CNTRL: variants seen among roughly 807,000 people sequenced by gnomAD.
The protein encoded by CNTRL is centriolin, also known as 110 kDa centrosomal protein.
A neutral mutation model predicts 303.7 loss-of-function variants in CNTRL; 233 were observed. The ratio of observed to expected loss-of-function variants is 0.77; its 90% CI spans 0.69 to 0.86. The LOEUF (loss-of-function observed/expected upper bound fraction) is 0.86. CNTRL is among the 40% of genes least tolerant of loss of function. CNTRL has a pLI of 0.00. For missense variants in CNTRL, 2,524 were observed against 2,650.6 expected, an observed-to-expected ratio of 0.95 and a Z score of 1.05; for synonymous variants, 900 against 922.2, an observed-to-expected ratio of 0.98 and a Z score of 0.44.
chr9:121,173,856 T>C (rs2053415477), intron 42 of CNTRL, 119 bp downstream of exon 42: 1 of 937,450 alleles, frequency 1.1e-6, no homozygotes, highest in Admixed American at 1.8e-5. Context: ...CTGCCAGCAG[T>C]GTCAGGGATG....
At chr9:121,152,812 AGCT>A in intron 26 of CNTRL, 119 bp downstream of exon 26, 1 of 759,558 alleles carries the variant, frequency 1.3e-6, no homozygotes, top group Non-Finnish European at 2.1e-6. Flanking sequence ...AGTAACCACT[AGCT>A]CAGTGTGGCT....
chr9:121,141,684 C>A, intron 18 of CNTRL, 96 bp downstream of exon 18: 1 of 1,142,128 alleles, frequency 8.8e-7, no homozygotes, highest in Non-Finnish European at 1.3e-6. Context: ...GTAAATACAA[C>A]ATAATTGTTG....
chr9:121,103,479 A>G (rs1200387928), intron 7 of CNTRL, among the ~76,000 whole-genome samples: 1 of 152,252 alleles, frequency 6.6e-6, no homozygotes, highest in African/African-American at 2.4e-5. Context: ...TATTCAGGAC[A>G]TAGGCATGGG....
At chr9:121,092,106 A>G (rs1413421294) in intron 4 of CNTRL, among the ~76,000 whole-genome samples, 3 of 147,060 alleles carry the variant, frequency 2.0e-5, no homozygotes, top group African/African-American at 7.4e-5. Flanking sequence ...TACATATTTT[A>G]TAGATTTTTA....
At chr9:121,147,113 C>T (rs572727040) in intron 23 of CNTRL, among the ~76,000 whole-genome samples, 12 of 152,274 alleles carry the variant, frequency 7.9e-5, no homozygotes, top group African/African-American at 2.4e-4. Flanking sequence ...AGCGATTCTC[C>T]GGTTTCTGCC....
Position 121,161,905 on chromosome 9 carries a change from A to G in CNTRL, c.5139A>G (p.Gln1713=). 1 of 1,614,184 alleles carries G rather than the reference A, an allele frequency of 6.2e-7. No individual in the cohort carries two copies. Among genetic ancestry groups the G allele is most frequent in the South Asian group, 1.1e-5 (1 of 91,088 alleles). The change falls in exon 33 of 44, where the codon CAA becomes CAG. Residue 1713 remains glutamine, a synonymous_variant. Transcript: ENST00000373855. ...TGCAACTTGAAAACCATGAGCTACA[A>G]GGTTTGAAGCTACAACATGACCAAA... The part of the protein sequence containing the change: ...DMLQLENHEL[Q]GLKLQHDQRV...
At chr9:121,157,650 G>C in intron 28 of CNTRL, 50 bp downstream of exon 28, 1 of 1,605,460 alleles carries the variant, frequency 6.2e-7, no homozygotes, top group Non-Finnish European at 8.5e-7. Context: ...TGAATGAAAA[G>C]TTTGCTTCTA....
intron 27 of CNTRL, among the ~76,000 whole-genome samples, chr9:121,155,567 C>T (rs1475019466): frequency 6.6e-6 from 1 of 152,142 alleles, no homozygotes; most frequent in African/African-American, 2.4e-5. Flanking sequence ...ACCTTGTGAT[C>T]CTGCCTCAGC....
At position 121,092,753 on chromosome 9, in the gene CNTRL, ATATATCTATATATATT is replaced by A. The variant is rs1188199528; in HGVS notation, c.349-2134_349-2119del. On this transcript the variant is annotated intron_variant, in intron 4 of 43. Transcript: ENST00000373855. ...TATATAATATATATCTATATATAAT[ATATATCTATATATATT>A]ATATATATCTATATAGATATGTAAT... Among the ~76,000 whole-genome samples the A allele has an allele frequency of 1.9e-4, 18 of 96,198 alleles. 4 individuals carry two copies. Among genetic ancestry groups the A allele is most frequent in the African/African-American group, 7.2e-4 (18 of 24,840 alleles). 63.1% of individuals were successfully genotyped at this position (96,198 alleles called of 152,430 possible).
chr9:121,133,333 C>T (rs1364712470), intron 14 of CNTRL, among the ~76,000 whole-genome samples: 4 of 152,252 alleles, frequency 2.6e-5, no homozygotes, highest in Admixed American at 2.6e-4. Flanking sequence ...TGTTTACCTA[C>T]TCAAGCCTCA....
In CNTRL at chr9:121,175,084, G is replaced by A. The variant is rs2053464647; in HGVS notation, c.6814G>A (p.Gly2272Ser). 1 of 1,613,894 alleles carries A rather than the reference G, an allele frequency of 6.2e-7. No homozygotes were observed. Among genetic ancestry groups the A allele is most frequent in the Non-Finnish European group, 8.5e-7 (1 of 1,179,988 alleles). The change falls in exon 43 of 44, where the codon GGC becomes AGC. Residue 2272 changes from glycine (G) to serine (S), a missense_variant. Gly to Ser is a moderately conservative substitution (Grantham distance 56). Transcript: ENST00000373855. ...VLIKGKRQTE[G>S]TLHSLRRQVD... ...AATTAAAGGAAAGCGGCAGACAGAG[G>A]GCACTTTACACAGTTTGAGGAGACA...
chr9:121,097,106 ATGT>A (rs2048925058), intron 6 of CNTRL, among the ~76,000 whole-genome samples: 4 of 152,154 alleles, frequency 2.6e-5, no homozygotes, highest in South Asian at 2.1e-4. Flanking sequence ...TATTTGGATG[ATGT>A]TGTATATTTT....
At chr9:121,159,337 T>A (rs2052742187) in intron 31 of CNTRL, among the ~76,000 whole-genome samples, 1 of 152,030 alleles carries the variant, frequency 6.6e-6, no homozygotes, top group Non-Finnish European at 1.5e-5. Flanking sequence ...TGCCACCTCC[T>A]CTTAGAAAAC....
At position 121,157,988 on chromosome 9, in the gene CNTRL, A is replaced by G; in HGVS notation, c.4643A>G (p.Gln1548Arg). ...KKKEKLTEELQKLQKDIEMAE... is the reference protein window; with the variant it reads ...KKKEKLTEELRKLQKDIEMAE... Reference sequence around the variant, plus strand: ...GTGTTGCTGGTGCTTTGTAGGCTTCAGAAACTACAGAAAGACATAGAGATG... The same window carrying G: ...GTGTTGCTGGTGCTTTGTAGGCTTCGGAAACTACAGAAAGACATAGAGATG... The change falls in exon 30 of 44, where the codon CAG (glutamine) becomes CGG (arginine). Residue 1548 changes from glutamine (Q) to arginine (R), a missense_variant. Gln to Arg is a conservative substitution (Grantham distance 43). Transcript: ENST00000373855. The G allele has an allele frequency of 6.2e-7, 1 of 1,614,184 alleles. No individual in the cohort carries two copies.
intron 25 of CNTRL, 26 bp downstream of exon 25, chr9:121,150,509 T>A: frequency 6.2e-7 from 1 of 1,601,776 alleles, no homozygotes; most frequent in Admixed American, 1.7e-5. Context: ...TACAACTCTC[T>A]TTCCACACTG....
chr9:121,114,889 A>G (rs193165589), intron 10 of CNTRL, among the ~76,000 whole-genome samples: 9 of 152,230 alleles, frequency 5.9e-5, no homozygotes, highest in Non-Finnish European at 1.2e-4. Context: ...TCTATACCAT[A>G]TAATGAAACA....
At chr9:121,081,535 A>G (rs1315487482) in intron 2 of CNTRL, among the ~76,000 whole-genome samples, 1 of 152,222 alleles carries the variant, frequency 6.6e-6, no homozygotes, top group Non-Finnish European at 1.5e-5. Flanking sequence ...ACCAAGCTAT[A>G]AATTGGGACT....
chr9:121,118,453 G>A lies in CNTRL; in HGVS notation c.1563G>A (p.Lys521=). Residue 521 remains lysine, a synonymous_variant, in exon 12 of 44, where the codon AAG becomes AAA. Coordinates refer to ENST00000373855, the MANE Select transcript of CNTRL (RefSeq NM_007018.6). The part of the protein sequence containing the change: ...EALDLELQME[K]QKQEIAGKQK... The stretch of plus-strand genomic sequence containing the variant: ...TGGATCTAGAACTGCAGATGGAAAA[G>A]CAAAAGCAGGAAATTGCCGGAAAGC... The A allele has an allele frequency of 6.2e-7, 1 of 1,613,210 alleles. No homozygotes were observed.
chr9:121,135,802 C>A lies in CNTRL; in HGVS notation c.2026-4C>A. ...CCATAGTTAAACCCACTGAATCTTT[C>A]TAGGAGCTTGCAGAGCTAGAAAGTG... On this transcript the variant is annotated splice_polypyrimidine_tract_variant and splice_region_variant and intron_variant, in intron 14 of 43. Coordinates refer to ENST00000373855, the MANE Select transcript of CNTRL (RefSeq NM_007018.6). 1 of 1,606,100 alleles carries A rather than the reference C, an allele frequency of 6.2e-7. No homozygotes were observed. Among genetic ancestry groups the A allele is most frequent in the South Asian group, 1.1e-5 (1 of 90,082 alleles).
Sources: gnomAD v4.1 joint callset for allele counts (sites outside exome capture counted in the v4.1 genomes callset) on GRCh38, gnomAD v4.1.1 for gene constraint, MANE v1.5 for transcripts, NCBI Gene and HGNC (gene_info 2026-07-23, HGNC 2026-07-21) for gene names.